The following DNAH2 variants were observed in gnomAD, a reference collection of about 807,000 sequenced individuals.
DNAH2 encodes the protein dynein axonemal heavy chain 2.
DNAH2 carries 323 observed loss-of-function variants against 523.5 expected under a neutral mutation model. The observed-to-expected ratio is 0.62, with a 90% CI of 0.56 to 0.68. DNAH2 has a LOEUF of 0.68. Among genes scored for constraint, DNAH2 ranks in the 30% least tolerant of loss-of-function variants. DNAH2 has a pLI of 0.00. For missense variants in DNAH2, 4,907 were observed against 5,701.5 expected (o/e 0.86, Z 4.49); for synonymous variants, 2,093 against 2,177.4 (o/e 0.96, Z 1.08).
intron 56 of DNAH2, 21 bp downstream of exon 56, chr17:7,799,263 C>G (rs759056170): frequency 1.9e-6 from 3 of 1,611,916 alleles, no homozygotes; most frequent in South Asian, 1.1e-5. Context: ...TGACATCCTT[C>G]TCTCAGCCCC....
chr17:7,799,070 C>A, intron 55 of DNAH2, 33 bp from the exon 56 acceptor site: 1 of 1,611,962 alleles, frequency 6.2e-7, no homozygotes, highest in Non-Finnish European at 8.5e-7. Flanking sequence ...TATGGACACG[C>A]CAGCCCTCTG....
chr17:7,751,649 C>T (rs1453762608), intron 12 of DNAH2, among the ~76,000 whole-genome samples: 2 of 152,048 alleles, frequency 1.3e-5, no homozygotes, highest in African/African-American at 4.8e-5. Context: ...CGAGTATATT[C>T]GTGTCTATTT....
chr17:7,790,436 G>A (rs2076866306), intron 44 of DNAH2, among the ~76,000 whole-genome samples: 1 of 152,052 alleles, frequency 6.6e-6, no homozygotes, highest in Non-Finnish European at 1.5e-5. Context: ...TGCCCAGGCT[G>A]GTCTCAAACT....
chr17:7,826,057 G>A (rs1215599618), intron 77 of DNAH2, among the ~76,000 whole-genome samples: 1 of 152,190 alleles, frequency 6.6e-6, no homozygotes, highest in East Asian at 1.9e-4. Flanking sequence ...GCTAGAGGTG[G>A]AGGTTGCAGG....
At position 7,759,461 on chromosome 17, in the gene DNAH2, C is replaced by T. The variant is rs1015939766; in HGVS notation, c.2488C>T (p.Arg830Cys). The stretch of plus-strand genomic sequence containing the variant: ...GATGCTGTACATGATTCGGCTGGAC[C>T]GCATGATGGAGGATGCCCTGCGCCT... Reference protein sequence around the residue: ...QWMLYMIRLDRMMEDALRLNV... With the variant: ...QWMLYMIRLDCMMEDALRLNV... The change falls in exon 16 of 86, where the codon CGC becomes TGC. Residue 830 changes from arginine to cysteine, a missense_variant. Physicochemically the swap from Arg to Cys is radical, Grantham distance 180. Coordinates refer to ENST00000572933, the MANE Select transcript of DNAH2 (RefSeq NM_020877.5). 1.3e-5 allele frequency: 21 copies of T among 1,613,838 alleles called. No homozygotes were observed. Among genetic ancestry groups the T allele is most frequent in the Admixed American group, 6.7e-5 (4 of 59,962 alleles).
rs149136872 is a variant in DNAH2 at position 7,797,746 on chromosome 17, T to C, written c.8147T>C (p.Met2716Thr). ...LTDLTVLKTV[M>T]ETALNEYNLS... ...GATCTGACAGTGCTGAAGACAGTCA[T>C]GGAGACAGCTCTAAATGAGTATAAC... is the stretch of plus-strand genomic sequence containing the variant. Residue 2716 changes from methionine (M) to threonine (T), a missense_variant, in exon 53 of 86, where the codon ATG becomes ACG. Met to Thr is a moderately conservative substitution (Grantham distance 81). Around this residue, in one of 3 missense-constraint regions of DNAH2, gnomAD observed 250 missense variants for 371.3 expected, o/e 0.67. Coordinates refer to ENST00000572933, the MANE Select transcript of DNAH2 (RefSeq NM_020877.5). 6.2e-7 allele frequency: 1 copy of C among 1,614,154 alleles called. No individual in the cohort carries two copies. The highest frequency in any genetic ancestry group is 8.5e-7 in the Non-Finnish European group (1 of 1,180,026).
intron 63 of DNAH2, among the ~76,000 whole-genome samples, chr17:7,808,588 C>T (rs1476009200): frequency 1.3e-5 from 2 of 152,132 alleles, no homozygotes; most frequent in Non-Finnish European, 2.9e-5. Context: ...AGTTTCCCCT[C>T]GCCCACCTTC....
intron 66 of DNAH2, 27 bp downstream of exon 66, chr17:7,817,736 G>A (rs377104054): frequency 2.3e-5 from 37 of 1,613,994 alleles, no homozygotes; most frequent in East Asian, 1.1e-4. Context: ...GCGTGGGGGC[G>A]GTACGGGAGC....
intron 44 of DNAH2, among the ~76,000 whole-genome samples, chr17:7,789,203 T>C (rs945284168): frequency 1.9e-4 from 29 of 152,098 alleles, no homozygotes; most frequent in Non-Finnish European, 3.8e-4. Flanking sequence ...GCAGATGGAC[T>C]TGCCAGGTAC....
Position 7,723,268 on chromosome 17 carries a change from C to CTTTTTTTTT in DNAH2, c.167-346_167-338dup, listed in dbSNP as rs58689789. ...TACAGGTGTGAGCCACTGTACCCGG[C>CTTTTTTTTT]TTTTTTTTTTTTTTTTTTTTTTGAG... On this transcript the variant is annotated intron_variant, in intron 2 of 85. Coordinates refer to ENST00000572933, the MANE Select transcript of DNAH2 (RefSeq NM_020877.5). 1.0e-4 allele frequency among the ~76,000 whole-genome samples: 6 copies of CTTTTTTTTT among 59,914 alleles called. 1 individual carries two copies. Among genetic ancestry groups the CTTTTTTTTT allele is most frequent in the Admixed American group, 2.8e-4 (1 of 3,574 alleles). The allele number at this position is 59,914 out of a possible 152,430, so 39.3% of individuals were successfully genotyped here.
At chr17:7,743,629 A>G (rs950876023) in intron 12 of DNAH2, 15 of 456,072 alleles carry the variant, frequency 3.3e-5, no homozygotes, top group Non-Finnish European at 4.7e-5. Context: ...TCACACCACT[A>G]CACTCCAGCC....
intron 11 of DNAH2, among the ~76,000 whole-genome samples, chr17:7,742,110 A>G (rs1334904482): frequency 2.0e-5 from 3 of 152,120 alleles, no homozygotes; most frequent in Non-Finnish European, 4.4e-5. Context: ...AGACAGCACA[A>G]AGAAACAACA....
At chr17:7,813,416 T>C (rs1442182074) in intron 63 of DNAH2, among the ~76,000 whole-genome samples, 1 of 151,968 alleles carries the variant, frequency 6.6e-6, no homozygotes, top group African/African-American at 2.4e-5. Flanking sequence ...TATTACAGCG[T>C]TGTTAATAGC....
chr17:7,734,590 A>C lies in DNAH2; in HGVS notation c.860A>C (p.Asp287Ala), dbSNP rs888688977. ...GAGTTCTGGCGCAACCGATGCATGG[A>C]CCTGTCTGGCATCAGTAAGCAGCTG... is the stretch of plus-strand genomic sequence containing the variant. Reference protein sequence around the residue: ...EIEFWRNRCMDLSGISKQLVK... With the variant: ...EIEFWRNRCMALSGISKQLVK... The change falls in exon 7 of 86, where the codon GAC (aspartate) becomes GCC (alanine). Residue 287 changes from aspartate (D) to alanine (A), a missense_variant. Asp to Ala is a moderately radical substitution (Grantham distance 126). This residue lies in a region of DNAH2 where 2,806 missense variants were observed against 3,190.8 expected (regional missense o/e 0.88). Transcript: ENST00000572933. 6.2e-7 allele frequency: 1 copy of C among 1,613,624 alleles called. No homozygotes were observed. Among genetic ancestry groups the C allele is most frequent in the African/African-American group, 1.3e-5 (1 of 74,856 alleles).
rs1289940192 is a variant in DNAH2, at chr17:7,775,412, G to A, written c.4821+70G>A. The A allele has an allele frequency of 2.4e-5, 34 of 1,443,390 alleles. 1 individual carries two copies. Among genetic ancestry groups the A allele is most frequent in the South Asian group, 1.5e-4 (12 of 81,700 alleles). 89.4% of individuals were successfully genotyped at this position (1,443,390 alleles called of 1,614,324 possible). A position where few individuals can be genotyped will look rare whatever the true frequency, so the allele number is the denominator to read the frequency against. ...TACAGAAAGTTCACCTGGGTCGGGC[G>A]CAGTGGCTCACACTTGTAATCCCAG... is the stretch of plus-strand genomic sequence containing the variant. On this transcript the variant is annotated intron_variant, in intron 30 of 85. Coordinates refer to ENST00000572933, the MANE Select transcript of DNAH2 (RefSeq NM_020877.5).
chr17:7,757,304 C>G (rs62062621), intron 13 of DNAH2, 67 bp downstream of exon 13: 430,451 of 1,562,198 alleles, frequency 0.28, 65,398 homozygotes, highest in Non-Finnish European at 0.31. Flanking sequence ...CTCTTATCTG[C>G]CCTGTAATGT....
chr17:7,787,085 C>A, intron 42 of DNAH2, 52 bp downstream of exon 42: 1 of 1,602,392 alleles, frequency 6.2e-7, no homozygotes, highest in South Asian at 1.1e-5. Context: ...CACCGGAGGG[C>A]GTGGGCCGGG....
At position 7,804,289 on chromosome 17, in the gene DNAH2, C is replaced by G; in HGVS notation, c.9006C>G (p.Ala3002=). 6.2e-7 allele frequency: 1 copy of G among 1,614,126 alleles called. No individual in the cohort carries two copies. The highest frequency in any genetic ancestry group is 1.1e-5 in the South Asian group (1 of 91,082). Residue 3002 remains alanine (A), a synonymous_variant, in exon 59 of 86, where the codon GCC becomes GCG. Coordinates refer to ENST00000572933, the MANE Select transcript of DNAH2 (RefSeq NM_020877.5). ...LLGEKRQELL[A]QANKLRTGLF... Reference sequence around the variant, plus strand: ...GAGAAAAACGGCAGGAGCTGCTGGCCCAAGCCAATAAACTGCGGACAGGCT... The same window carrying G: ...GAGAAAAACGGCAGGAGCTGCTGGCGCAAGCCAATAAACTGCGGACAGGCT...
intron 39 of DNAH2, among the ~76,000 whole-genome samples, chr17:7,781,860 A>T (rs1022830288): frequency 1.3e-5 from 2 of 152,212 alleles, no homozygotes; most frequent in African/African-American, 4.8e-5. Context: ...GCCATTTGGT[A>T]TCAGAGAGCA....
Sources: allele counts gnomAD v4.1 joint callset (sites outside exome capture counted in the v4.1 genomes callset), GRCh38; gene constraint gnomAD v4.1.1; regional missense constraint gnomAD v4.1.1; transcripts MANE v1.5; gene names NCBI Gene and HGNC (gene_info 2026-07-23, HGNC 2026-07-21).